Variants in DLGAP2 observed in about 807,000 individuals in gnomAD.
DLGAP2 encodes the protein disks large-associated protein 2.
In DLGAP2, 26 loss-of-function variants were observed where a neutral mutation model predicts 100.3. The ratio of observed to expected loss-of-function variants is 0.26; its 90% CI spans 0.19 to 0.36. DLGAP2 has a LOEUF of 0.36. Among genes scored for constraint, DLGAP2 ranks in the 10% least tolerant of loss-of-function variants. DLGAP2 has a pLI of 1.00. For missense variants in DLGAP2, 1,858 were observed against 1,453.2 expected, an observed-to-expected ratio of 1.28 and a Z score of -4.53; for synonymous variants, 886 against 630.1, an observed-to-expected ratio of 1.41 and a Z score of -6.08.
intron 2 of DLGAP2, among the ~76,000 whole-genome samples, chr8:1,083,708 G>A (rs943519287): frequency 6.6e-6 from 1 of 152,192 alleles, no homozygotes; most frequent in South Asian, 2.1e-4. Context: ...TTCCAAAGTA[G>A]ATCATTTGAA....
Position 1,480,980 on chromosome 8 carries a change from G to A in DLGAP2, c.107-20386G>A, listed in dbSNP as rs192758000. On this transcript the variant is annotated intron_variant, in intron 3 of 14. Coordinates refer to ENST00000637795, the MANE Select transcript of DLGAP2 (RefSeq NM_001346810.2). ...GAGGTCAGGAGATCGAGACCATCCT[G>A]GCTAACATGGTGAAACCCCATCTCT... Among the ~76,000 whole-genome samples, 1,202 of 152,136 alleles carry A rather than the reference G, an allele frequency of 7.9e-3. 16 individuals carry two copies. Among genetic ancestry groups the A allele is most frequent in the African/African-American group, 0.027 (1,129 of 41,508 alleles).
chr8:1,393,059 A>C (rs1447758627), intron 3 of DLGAP2, among the ~76,000 whole-genome samples: 29 of 34,826 alleles, frequency 8.3e-4, no homozygotes, highest in Admixed American at 4.2e-3. Context: ...ACTGAGCGCC[A>C]CCTCCTCGTC....
intron 1 of DLGAP2, among the ~76,000 whole-genome samples, chr8:804,089 T>C (rs1042065775): frequency 1.3e-5 from 2 of 152,164 alleles, no homozygotes; most frequent in African/African-American, 2.4e-5. Flanking sequence ...CTGTTGTAGG[T>C]GATTAAGCAC....
At chr8:1,237,000 C>T (rs1336668551) in intron 2 of DLGAP2, among the ~76,000 whole-genome samples, 4 of 146,138 alleles carry the variant, frequency 2.7e-5, no homozygotes, top group Non-Finnish European at 3.0e-5. Flanking sequence ...TCACACATAG[C>T]GTCATGTCTA....
chr8:965,262 C>T (rs570385898), intron 2 of DLGAP2, among the ~76,000 whole-genome samples: 1 of 142,918 alleles, frequency 7.0e-6, no homozygotes, highest in African/African-American at 2.7e-5. Context: ...GCTCCTGAGC[C>T]CAACCCCCGC....
chr8:1,447,466 T>A (rs1392716306), intron 3 of DLGAP2, among the ~76,000 whole-genome samples: 5 of 152,242 alleles, frequency 3.3e-5, no homozygotes, highest in Non-Finnish European at 7.3e-5. Context: ...AGCTTTTTGA[T>A]GTGCTGCTGG....
intron 1 of DLGAP2, among the ~76,000 whole-genome samples, chr8:901,239 C>G (rs141953399): frequency 1.3e-5 from 2 of 152,324 alleles, no homozygotes; most frequent in East Asian, 3.9e-4. Context: ...CTGCAGTGAG[C>G]TATGATCGCA....
intron 2 of DLGAP2, among the ~76,000 whole-genome samples, chr8:938,907 A>T (rs1799133662): frequency 6.6e-6 from 1 of 152,218 alleles, no homozygotes; most frequent in Non-Finnish European, 1.5e-5. Flanking sequence ...CCCGAGGAAG[A>T]GTGTGAGGAT....
intron 8 of DLGAP2, among the ~76,000 whole-genome samples, chr8:1,645,930 T>C (rs1347321860): frequency 1.3e-5 from 2 of 152,226 alleles, no homozygotes; most frequent in Non-Finnish European, 2.9e-5. Flanking sequence ...AGCCTTGTCT[T>C]TCCCGTTCAG....
Position 1,553,503 on chromosome 8 carries a change from C to T in DLGAP2, c.1230+3820C>T, listed in dbSNP as rs1001192118. The stretch of plus-strand genomic sequence containing the variant: ...GTGCTTGGCGTGTTCACGGGCAGCC[C>T]CGTTAGACTTTGGGTTTTACCTGTC... On this transcript the variant is annotated intron_variant, in intron 5 of 14. Coordinates refer to ENST00000637795, the MANE Select transcript of DLGAP2 (RefSeq NM_001346810.2). Among the ~76,000 whole-genome samples the T allele has an allele frequency of 1.8e-3, 8 of 4,426 alleles. No homozygotes were observed. The Admixed American group carries it at 0.023, about 13-fold the overall frequency. 2.9% of individuals were successfully genotyped at this position (4,426 alleles called of 152,430 possible).
At chr8:1,222,613 G>A (rs1024325266) in intron 2 of DLGAP2, among the ~76,000 whole-genome samples, 15 of 152,008 alleles carry the variant, frequency 9.9e-5, no homozygotes, top group African/African-American at 3.1e-4. Context: ...CATGCTGGCG[G>A]GGGAAGGCTG....
At chr8:1,275,733 A>G (rs952904805) in intron 3 of DLGAP2, among the ~76,000 whole-genome samples, 3 of 136,468 alleles carry the variant, frequency 2.2e-5, no homozygotes, top group Non-Finnish European at 4.6e-5. Flanking sequence ...TATATAAAAT[A>G]TATGTAATAT....
intron 6 of DLGAP2, among the ~76,000 whole-genome samples, chr8:1,582,150 T>A (rs113436787): frequency 0.023 from 3,072 of 133,154 alleles, 150 homozygotes; most frequent in African/African-American, 0.078. Flanking sequence ...CCCACACATG[T>A]ACACACCACA....
At chr8:1,053,131 G>T (rs761149038) in intron 2 of DLGAP2, among the ~76,000 whole-genome samples, 1 of 152,218 alleles carries the variant, frequency 6.6e-6, no homozygotes, top group East Asian at 1.9e-4. Flanking sequence ...AAGAGGTGCT[G>T]TACGTTTTGC....
intron 2 of DLGAP2, among the ~76,000 whole-genome samples, chr8:1,077,096 G>A (rs1287776066): frequency 1.3e-5 from 2 of 152,144 alleles, no homozygotes; most frequent in Non-Finnish European, 2.9e-5. Flanking sequence ...TGCTGTCAAT[G>A]TTTGGGGTTC....
At chr8:952,291 G>A (rs993447653) in intron 2 of DLGAP2, among the ~76,000 whole-genome samples, 2 of 152,086 alleles carry the variant, frequency 1.3e-5, no homozygotes, top group African/African-American at 4.8e-5. Context: ...TATTACTAAG[G>A]GCCAACAATT....
At chr8:957,514 A>G (rs1799623660) in intron 2 of DLGAP2, among the ~76,000 whole-genome samples, 1 of 152,170 alleles carries the variant, frequency 6.6e-6, no homozygotes, top group Non-Finnish European at 1.5e-5. Flanking sequence ...GCCACTGCTG[A>G]TGTGTATTTG....
At chr8:748,510 T>G (rs1422599806) in intron 1 of DLGAP2, among the ~76,000 whole-genome samples, 1 of 152,098 alleles carries the variant, frequency 6.6e-6, no homozygotes, top group Non-Finnish European at 1.5e-5. Flanking sequence ...AGGAAGCCCT[T>G]ACCTGGCATT....
At chr8:1,289,992 T>A (rs1800023153) in intron 3 of DLGAP2, among the ~76,000 whole-genome samples, 1 of 152,120 alleles carries the variant, frequency 6.6e-6, no homozygotes, top group South Asian at 2.1e-4. Flanking sequence ...AAGGAAGGGG[T>A]AGCTGCTGAA....
Sources: allele counts gnomAD v4.1 joint callset (sites outside exome capture counted in the v4.1 genomes callset), GRCh38; gene constraint gnomAD v4.1.1; transcripts MANE v1.5; gene names NCBI Gene and HGNC (gene_info 2026-07-23, HGNC 2026-07-21).